FMN2: variants seen among roughly 807,000 people sequenced by gnomAD.
The protein encoded by FMN2 is formin 2.
In FMN2, 51 loss-of-function variants were observed where a neutral mutation model predicts 142.3. The ratio of observed to expected loss-of-function variants is 0.36; its 90% CI spans 0.29 to 0.45. FMN2 has a LOEUF of 0.45. FMN2 is among the 20% of genes least tolerant of loss of function. The probability of loss-of-function intolerance (pLI) is 1.00; values close to 1 mark genes in which losing one functional copy is unlikely to be tolerated. For missense variants in FMN2, 1,936 were observed against 2,122.8 expected (o/e 0.91, Z 1.73); for synonymous variants, 882 against 869.8 (o/e 1.01, Z -0.25).
intron 15 of FMN2, among the ~76,000 whole-genome samples, chr1:240,413,649 A>G (rs1674488428): frequency 6.6e-6 from 1 of 152,234 alleles, no homozygotes; most frequent in Non-Finnish European, 1.5e-5. Flanking sequence ...CAGAGAACAT[A>G]GAAACTCAGT....
chr1:240,193,712 A>G (rs989453319), intron 4 of FMN2, among the ~76,000 whole-genome samples: 2 of 152,240 alleles, frequency 1.3e-5, no homozygotes, highest in African/African-American at 2.4e-5. Context: ...GCAGCCTGAC[A>G]GTGCCTTAAC....
At chr1:240,261,268 G>A (rs963009546) in intron 7 of FMN2, among the ~76,000 whole-genome samples, 3 of 151,868 alleles carry the variant, frequency 2.0e-5, no homozygotes, top group African/African-American at 7.2e-5. Context: ...AGACCTGTGA[G>A]TGGTCCAGTT....
intron 14 of FMN2, among the ~76,000 whole-genome samples, chr1:240,366,595 A>C (rs900954963): frequency 1.3e-5 from 2 of 150,824 alleles, no homozygotes; most frequent in African/African-American, 4.9e-5. Context: ...GTTGGAGTAC[A>C]ATGGCACGAT....
intron 2 of FMN2, among the ~76,000 whole-genome samples, chr1:240,133,157 T>G (rs963547420): frequency 1.3e-5 from 2 of 152,162 alleles, no homozygotes; most frequent in African/African-American, 4.8e-5. Flanking sequence ...GATATATGTC[T>G]GATCATGTTG....
chr1:240,294,963 T>C, intron 8 of FMN2, 80 bp downstream of exon 8: 1 of 1,275,366 alleles, frequency 7.8e-7, no homozygotes, highest in Non-Finnish European at 1.1e-6. Flanking sequence ...AGGCTCTTTG[T>C]TTTAAGGTCC....
intron 13 of FMN2, among the ~76,000 whole-genome samples, chr1:240,349,923 C>T (rs993922247): frequency 6.6e-6 from 1 of 151,146 alleles, no homozygotes; most frequent in African/African-American, 2.4e-5. Flanking sequence ...TCTAAATGAC[C>T]CTTCAAGTTT....
In FMN2 at chr1:240,093,623, G is replaced by T; in HGVS notation, c.1514G>T (p.Arg505Leu). 7.0e-7 allele frequency: 1 copy of T among 1,422,546 alleles called. No homozygotes were observed. The allele number at this position is 1,422,546 out of a possible 1,614,324, so 88.1% of individuals were successfully genotyped here. A position where few individuals can be genotyped will look rare whatever the true frequency, so the allele number is the denominator to read the frequency against. ...GGAGGCTCCGCGCACCTGCTGGAGCGCGGGGTGGCGAGTGACAGCGGCGGT... is the reference window on the plus strand; with the variant it reads ...GGAGGCTCCGCGCACCTGCTGGAGCTCGGGGTGGCGAGTGACAGCGGCGGT... ...RVGGSAHLLE[R>L]GVASDSGGGV... Residue 505 changes from arginine to leucine, a missense_variant, in exon 1 of 18, where the codon CGC (arginine) becomes CTC (leucine). Coordinates refer to ENST00000319653, the MANE Select transcript of FMN2 (RefSeq NM_020066.5).
intron 2 of FMN2, among the ~76,000 whole-genome samples, chr1:240,131,539 G>A (rs546932054): frequency 7.2e-5 from 11 of 152,082 alleles, no homozygotes; most frequent in African/African-American, 2.2e-4. Context: ...TGAAACCCCC[G>A]CCTCTACTAA....
rs748480743 is a variant in FMN2 at position 240,372,639 on chromosome 1, C to CTT, written c.4858+16747_4858+16748dup. 4.8e-3 allele frequency among the ~76,000 whole-genome samples: 556 copies of CTT among 114,824 alleles called. 4 individuals are homozygous for CTT. Among genetic ancestry groups the CTT allele is most frequent in the African/African-American group, 0.017 (524 of 31,730 alleles). 75.3% of individuals were successfully genotyped at this position (114,824 alleles called of 152,430 possible). A position where few individuals can be genotyped will look rare whatever the true frequency, so the allele number is the denominator to read the frequency against. ...TAAATCACTTTTGGAGGAAGAATTT[C>CTT]TTTTTTTTTTTTTTTTTAAGGCTGT... On this transcript the variant is annotated intron_variant, in intron 14 of 17. Transcript: ENST00000319653.
Position 240,123,251 on chromosome 1 carries a change from C to T in FMN2, c.1688C>T (p.Ser563Phe), listed in dbSNP as rs867531095. ...GPPEEAEKFC[S>F]RIIAMGLLLP... The stretch of plus-strand genomic sequence containing the variant: ...CCAGAAGAAGCAGAGAAGTTTTGCT[C>T]CCGGATCATTGCCATGGGTCTTCTC... Residue 563 changes from serine to phenylalanine, a missense_variant, in exon 2 of 18, where the codon TCC (serine) becomes TTC (phenylalanine). Coordinates refer to ENST00000319653, the MANE Select transcript of FMN2 (RefSeq NM_020066.5). 6.2e-7 allele frequency: 1 copy of T among 1,613,996 alleles called. No homozygotes were observed. The highest frequency in any genetic ancestry group is 1.3e-5 in the African/African-American group (1 of 74,894).
intron 6 of FMN2, among the ~76,000 whole-genome samples, chr1:240,256,831 T>C (rs1323583060): frequency 6.6e-6 from 1 of 152,214 alleles, no homozygotes; most frequent in East Asian, 1.9e-4. Flanking sequence ...TTATGTTTTA[T>C]TCCTCACCCC....
intron 2 of FMN2, among the ~76,000 whole-genome samples, chr1:240,155,020 A>T (rs1408311506): frequency 6.6e-6 from 1 of 151,374 alleles, no homozygotes; most frequent in African/African-American, 2.4e-5. Context: ...CCTCCTGAGT[A>T]GCTAGGACTA....
chr1:240,304,839 T>A (rs1023780175), intron 8 of FMN2, among the ~76,000 whole-genome samples: 5 of 152,008 alleles, frequency 3.3e-5, no homozygotes, highest in Admixed American at 1.3e-4. Context: ...GGGCCGGGAG[T>A]GGGGGATAGG....
At chr1:240,282,735 T>A (rs1669441335) in intron 7 of FMN2, among the ~76,000 whole-genome samples, 1 of 152,164 alleles carries the variant, frequency 6.6e-6, no homozygotes, top group Non-Finnish European at 1.5e-5. Context: ...AGTATTTCCT[T>A]TCATCTTATC....
chr1:240,161,396 G>C (rs1230814776), intron 2 of FMN2, among the ~76,000 whole-genome samples: 1 of 152,084 alleles, frequency 6.6e-6, no homozygotes, highest in Admixed American at 6.6e-5. Flanking sequence ...AGCCAGGCGT[G>C]GTGGTGGGTG....
intron 15 of FMN2, among the ~76,000 whole-genome samples, chr1:240,421,648 AT>A (rs1419437979): frequency 1.3e-5 from 2 of 152,112 alleles, no homozygotes; most frequent in African/African-American, 4.8e-5. Flanking sequence ...GGCAATAAAT[AT>A]TTTAATTTTT....
intron 6 of FMN2, among the ~76,000 whole-genome samples, chr1:240,234,570 A>C (rs1344528907): frequency 6.6e-6 from 1 of 152,162 alleles, no homozygotes; most frequent in Non-Finnish European, 1.5e-5. Flanking sequence ...TGCTTGCCAT[A>C]ATTGTGATGT....
intron 14 of FMN2, among the ~76,000 whole-genome samples, chr1:240,366,947 C>T (rs552216252): frequency 6.6e-6 from 1 of 152,270 alleles, no homozygotes; most frequent in Non-Finnish European, 1.5e-5. Flanking sequence ...GTGTTGCAAA[C>T]CTAGGAGGTT....
rs867051143 is a variant in FMN2, at chr1:240,093,392, C to T, written c.1283C>T (p.Ser428Leu). ...AAGACCACCACCCGGCAGCTCAGCT[C>T]GCCCAATCACTCCCCGTCTCAGTCC... ...YIKTTTRQLS[S>L]PNHSPSQSPN... Residue 428 changes from serine to leucine, a missense_variant, in exon 1 of 18, where the codon TCG (serine) becomes TTG (leucine). Physicochemically the swap from Ser to Leu is moderately radical, Grantham distance 145 (BLOSUM62 -2). Transcript: ENST00000319653. 2 of 1,613,412 alleles carry T rather than the reference C, an allele frequency of 1.2e-6. No individual in the cohort carries two copies. The highest frequency in any genetic ancestry group is 1.7e-6 in the Non-Finnish European group (2 of 1,179,750).
Sources: gnomAD v4.1 joint callset for allele counts (sites outside exome capture counted in the v4.1 genomes callset) on GRCh38, gnomAD v4.1.1 for gene constraint, MANE v1.5 for transcripts, NCBI Gene and HGNC (gene_info 2026-07-23, HGNC 2026-07-21) for gene names.